The following DMD variants were observed in gnomAD, a reference collection of about 807,000 sequenced individuals.
The protein encoded by DMD is dystrophin, also known as mutant dystrophin.
In DMD, 63 loss-of-function variants were observed where a neutral mutation model predicts 330.1. The ratio of observed to expected loss-of-function variants is 0.19; its 90% CI spans 0.16 to 0.24. The LOEUF (loss-of-function observed/expected upper bound fraction) is 0.24, where lower values mean the gene tolerates loss of function less well. Among genes scored for constraint, DMD ranks in the 10% least tolerant of loss-of-function variants. DMD has a pLI of 1.00. For missense variants in DMD, 3,344 were observed against 2,684.1 expected (o/e 1.25, Z -5.43); for synonymous variants, 1,223 against 959.8 (o/e 1.27, Z -5.07).
At chrX:31,765,084 A>G (rs1343842130) in intron 51 of DMD, among the ~76,000 whole-genome samples, 1 of 109,958 alleles carries the variant, frequency 9.1e-6, no homozygotes, top group Non-Finnish European at 1.9e-5. Flanking sequence ...AGCCATTACT[A>G]CCTTGGAAAT....
rs770168703 is a variant in DMD, at chrX:33,256,710, GTAGT to G, written c.7+82545_7+82548del. Among the ~76,000 whole-genome samples, 9 of 109,882 alleles carry G rather than the reference GTAGT, an allele frequency of 8.2e-5. No homozygotes were observed. In the East Asian group the frequency reaches 2.5e-3, roughly 31 times the overall value. On this transcript the variant is annotated intron_variant, in intron 1 of 17. Transcript: ENST00000288447. ...TTTTTTGTTTCACCTGAACTAACAT[GTAGT>G]TAGAGAAATACATTTTAGAAAAAAT...
chrX:32,705,866 C>T (rs1441852654), intron 7 of DMD, among the ~76,000 whole-genome samples: 1 of 110,129 alleles, frequency 9.1e-6, no homozygotes, highest in East Asian at 2.9e-4. Context: ...GCCAGCCATC[C>T]CATTACTGGG....
rs1346669723 is a variant in DMD, at chrX:31,266,967, G to C, written c.9225-5951C>G. 7 of 1,036,725 alleles carry C rather than the reference G, an allele frequency of 6.8e-6. No homozygotes were observed. In the Admixed American group the frequency reaches 9.0e-5, roughly 13 times the overall value. The allele number at this position is 1,036,725 out of a possible 1,213,427, so 85.4% of individuals were successfully genotyped here. A position where few individuals can be genotyped will look rare whatever the true frequency, so the allele number is the denominator to read the frequency against. ...CTGAAAGCACTGCGGAGGAGCCGGC[G>C]CGGGCGGGCCGGGGAGGGGGCGCTG... On this transcript the variant is annotated intron_variant, in intron 62 of 78. Transcript: ENST00000357033.
intron 9 of DMD, among the ~76,000 whole-genome samples, chrX:32,651,417 A>T (rs907439413): frequency 3.6e-5 from 4 of 112,197 alleles, no homozygotes; most frequent in Admixed American, 9.4e-5. Flanking sequence ...TGCTGGGATT[A>T]CAGGTGTGAG....
At chrX:32,983,976 G>A (rs1044361936) in intron 2 of DMD, among the ~76,000 whole-genome samples, 5 of 111,229 alleles carry the variant, frequency 4.5e-5, no homozygotes, top group African/African-American at 1.6e-4. Context: ...TTATGGACAT[G>A]AACTTATCTT....
At chrX:32,861,691 A>T (rs1263441546) in intron 2 of DMD, among the ~76,000 whole-genome samples, 1 of 111,653 alleles carries the variant, frequency 9.0e-6, no homozygotes, top group South Asian at 3.8e-4. Flanking sequence ...TGGGTGATGG[A>T]ATTTCTTTCC....
chrX:32,229,490 T>C (rs1484430400), intron 43 of DMD, among the ~76,000 whole-genome samples: 1 of 105,433 alleles, frequency 9.5e-6, no homozygotes, highest in Non-Finnish European at 1.9e-5. Flanking sequence ...AATTTTTCTA[T>C]ACCTTCCTCC....
intron 7 of DMD, among the ~76,000 whole-genome samples, chrX:32,707,526 T>A (rs1397816682): frequency 1.8e-5 from 2 of 111,875 alleles, no homozygotes; most frequent in Non-Finnish European, 3.8e-5. Context: ...GTGTTTCAGT[T>A]GAAAAGTTTT....
At chrX:33,195,796 G>A (rs1025290151) in intron 1 of DMD, among the ~76,000 whole-genome samples, 3 of 106,758 alleles carry the variant, frequency 2.8e-5, no homozygotes, top group African/African-American at 6.8e-5. Context: ...GTATTCATAA[G>A]GCTTTTCCAA....
rs773539761 is a variant in DMD, at chrX:32,648,733, C to T, written c.961-3581G>A. On this transcript the variant is annotated intron_variant, in intron 9 of 78. Transcript: ENST00000357033. ...GAATAAAAGACATTTTAAAATAAAA[C>T]GATGTTTAATCTGAGAATTTGGAAA... Among the ~76,000 whole-genome samples, 158 of 111,714 alleles carry T rather than the reference C, an allele frequency of 1.4e-3. 9 individuals are homozygous for T. Among genetic ancestry groups the T allele is most frequent in the Non-Finnish European group, 4.1e-4 (22 of 53,106 alleles).
chrX:33,009,596 GTATGTGTA>G (rs2093579141), intron 2 of DMD, among the ~76,000 whole-genome samples: 2 of 32,319 alleles, frequency 6.2e-5, no homozygotes, highest in Admixed American at 5.5e-4. Context: ...GTGTATGTGT[GTATGTGTA>G]TATACACATA....
chrX:32,085,282 T>A (rs2096422888), intron 44 of DMD, among the ~76,000 whole-genome samples: 1 of 110,351 alleles, frequency 9.1e-6, no homozygotes, highest in African/African-American at 3.3e-5. Context: ...ACATATTTAT[T>A]TTTATTTAAA....
intron 64 of DMD, among the ~76,000 whole-genome samples, chrX:31,220,396 C>T (rs916572934): frequency 9.0e-6 from 1 of 111,675 alleles, no homozygotes; most frequent in Non-Finnish European, 1.9e-5. Context: ...TACTAGGGAC[C>T]TTCCTGTTGC....
intron 55 of DMD, among the ~76,000 whole-genome samples, chrX:31,585,401 C>T (rs1395756047): frequency 1.8e-5 from 2 of 108,275 alleles, no homozygotes; most frequent in East Asian, 2.9e-4. Context: ...GCGAGGGACC[C>T]GACTTGCCGA....
intron 60 of DMD, among the ~76,000 whole-genome samples, chrX:31,358,651 G>A (rs564737919): frequency 2.7e-5 from 3 of 112,674 alleles, no homozygotes; most frequent in African/African-American, 9.7e-5. Context: ...TGTTTGTGGT[G>A]TGACAAGAAT....
At chrX:33,048,525 A>C (rs1352471231) in intron 1 of DMD, among the ~76,000 whole-genome samples, 1 of 108,484 alleles carries the variant, frequency 9.2e-6, no homozygotes, top group Non-Finnish European at 1.9e-5. Flanking sequence ...TCCCGTCTCT[A>C]CTAAAAATAC....
In DMD at chrX:33,028,423, T is replaced by C. The variant is rs142231242; in HGVS notation, c.32-8223A>G. On this transcript the variant is annotated intron_variant, in intron 1 of 78. Coordinates refer to ENST00000357033, the MANE Select transcript of DMD (RefSeq NM_004006.3). ...AGGTTACAGGCTAGATTATTCAGAATGGCATATAAGGGCCTTCACAATTTG... is the reference window on the plus strand; with the variant it reads ...AGGTTACAGGCTAGATTATTCAGAACGGCATATAAGGGCCTTCACAATTTG... Among the ~76,000 whole-genome samples, 66 of 112,094 alleles carry C rather than the reference T, an allele frequency of 5.9e-4. 1 individual carries two copies. The East Asian group carries it at 0.014, about 23-fold the overall frequency.
At chrX:32,949,325 G>A (rs1034354064) in intron 2 of DMD, among the ~76,000 whole-genome samples, 4 of 94,943 alleles carry the variant, frequency 4.2e-5, no homozygotes, top group Non-Finnish European at 8.7e-5. Context: ...AGATAGATTA[G>A]ATAGGTAGGT....
intron 44 of DMD, among the ~76,000 whole-genome samples, chrX:32,091,398 G>A (rs900677329): frequency 8.9e-6 from 1 of 111,756 alleles, no homozygotes; most frequent in Non-Finnish European, 1.9e-5. Context: ...TAGATGTTGA[G>A]TAAATATTGT....
Sources: allele counts gnomAD v4.1 joint callset (sites outside exome capture counted in the v4.1 genomes callset), GRCh38; gene constraint gnomAD v4.1.1; transcripts MANE v1.5; gene names NCBI Gene and HGNC (gene_info 2026-07-23, HGNC 2026-07-21).